Variants in PRSS50 observed in about 807,000 individuals in gnomAD.
PRSS50 encodes the protein serine protease 50.
A neutral mutation model predicts 34.2 loss-of-function variants in PRSS50; 23 were observed. The ratio of observed to expected loss-of-function variants is 0.67; its 90% CI spans 0.48 to 0.95. PRSS50 has a LOEUF of 0.95. Among genes scored for constraint, PRSS50 ranks in the 40% least tolerant of loss-of-function variants. PRSS50 has a pLI of 0.00. For synonymous variants in PRSS50, 224 were observed against 211.2 expected (o/e 1.06, Z -0.53); for missense variants, 484 against 513.4 (o/e 0.94, Z 0.55).
At chr3:46,713,776 G>C (rs1025766593) in intron 4 of PRSS50, among the ~76,000 whole-genome samples, 1 of 152,232 alleles carries the variant, frequency 6.6e-6, no homozygotes, top group African/African-American at 2.4e-5. Flanking sequence ...CCACTGAGGG[G>C]AGGGGAAACC....
intron 4 of PRSS50, among the ~76,000 whole-genome samples, 169 bp from the exon 5 acceptor site, chr3:46,713,236 C>T (rs903835319): frequency 2.0e-5 from 3 of 152,208 alleles, no homozygotes; most frequent in Non-Finnish European, 4.4e-5. Context: ...ACAGAGCCCC[C>T]GGAGCAGAGT....
chr3:46,712,754 T>C, intron 5 of PRSS50, 147 bp downstream of exon 5: 1 of 796,792 alleles, frequency 1.3e-6, no homozygotes, highest in Non-Finnish European at 1.8e-6. Context: ...CCTCCCAGTC[T>C]CCCCCGACAT....
chr3:46,712,605 T>A, intron 5 of PRSS50, 123 bp from the exon 6 acceptor site: 1 of 931,106 alleles, frequency 1.1e-6, no homozygotes, highest in Non-Finnish European at 1.7e-6. Context: ...CCAACATAGG[T>A]GAGAAGTGCT....
Position 46,717,852 on chromosome 3 carries a change from C to A in PRSS50, c.-28G>T. ...CGGGGTGGCAGCCGACTGCGTCTCT[C>A]CGGAAGGCGCTCCCAGTGCCGCCCC... is the stretch of plus-strand genomic sequence containing the variant. On this transcript the variant is annotated 5_prime_UTR_variant, in exon 1 of 6. Transcript: ENST00000315170. The surrounding 1 kb of genome is among the most constrained non-coding windows in gnomAD (Gnocchi z 4.5). The A allele has an allele frequency of 6.9e-7, 1 of 1,459,746 alleles. No homozygotes were observed. The allele number at this position is 1,459,746 out of a possible 1,614,324, so 90.4% of individuals were successfully genotyped here. A position where few individuals can be genotyped will look rare whatever the true frequency, so the allele number is the denominator to read the frequency against.
intron 5 of PRSS50, 90 bp downstream of exon 5, chr3:46,712,811 C>A: frequency 4.1e-6 from 6 of 1,461,988 alleles, no homozygotes; most frequent in Non-Finnish European, 5.6e-6. Context: ...TTCCCTTCCC[C>A]TACCCAACCT....
In PRSS50 at chr3:46,717,440, G is replaced by T. The variant is rs1310960071; in HGVS notation, c.304C>A (p.Arg102Ser). The T allele has an allele frequency of 1.2e-6, 2 of 1,613,954 alleles. No individual in the cohort carries two copies. The highest frequency in any genetic ancestry group is 1.7e-5 in the Admixed American group (1 of 60,000). Residue 102 changes from arginine to serine, a missense_variant, in exon 2 of 6, where the codon CGC becomes AGC. By Grantham distance (110) the Arg-to-Ser change is moderately radical. Transcript: ENST00000315170. The surrounding 1 kb of genome is among the most constrained non-coding windows in gnomAD (Gnocchi z 4.5). The part of the protein sequence containing the change: ...PVSEGKVDPY[R>S]SCGFSYEQDP... ...AGTCTACACCCCTGGTACTCACAGC[G>T]GTATGGGTCGACTTTGCCTTCAGAA... is the stretch of plus-strand genomic sequence containing the variant.
chr3:46,712,296 T>G lies in PRSS50; in HGVS notation c.1108A>C (p.Thr370Pro). ...GGCAGTGGGAGTGCCAGGAGCAGGG[T>G]CCTGGATGGGGCTGGCAGGGCCAGG... Reference protein sequence around the residue: ...QALALPAPSRTLLLALPLPLS... With the variant: ...QALALPAPSRPLLLALPLPLS... Residue 370 changes from threonine to proline, a missense_variant, in exon 6 of 6, where the codon ACC (threonine) becomes CCC (proline). By Grantham distance (38) the Thr-to-Pro change is conservative (BLOSUM62 -1). Transcript: ENST00000315170. The G allele has an allele frequency of 6.2e-7, 1 of 1,613,032 alleles. No individual in the cohort carries two copies. Among genetic ancestry groups the G allele is most frequent in the Non-Finnish European group, 8.5e-7 (1 of 1,179,674 alleles).
Position 46,713,015 on chromosome 3 carries a change from G to T in PRSS50, c.807C>A (p.Asn269Lys). ...TIQEKEVIIL[N>K]NKECDNFYHN... ...GGTAGAAATTGTCACACTCTTTGTT[G>T]TTCAGGATGATGACTTCCTTCTCCT... The change falls in exon 5 of 6, where the codon AAC becomes AAA. Residue 269 changes from asparagine to lysine, a missense_variant. By Grantham distance (94) the Asn-to-Lys change is moderately conservative. Coordinates refer to ENST00000315170, the MANE Select transcript of PRSS50 (RefSeq NM_013270.5). 6.2e-7 allele frequency: 1 copy of T among 1,614,170 alleles called. No individual in the cohort carries two copies. Among genetic ancestry groups the T allele is most frequent in the Middle Eastern group, 1.6e-4 (1 of 6,062 alleles).
chr3:46,714,195 G>C (rs1389173872), intron 4 of PRSS50, 23 bp downstream of exon 4: 3 of 1,608,408 alleles, frequency 1.9e-6, no homozygotes, highest in Non-Finnish European at 2.6e-6. Context: ...CACCCGCCCT[G>C]GTCTGCAGAG....
rs1442754967 is a variant in PRSS50, at chr3:46,712,153, T to C, written c.*93A>G. The C allele has an allele frequency of 8.8e-7, 1 of 1,130,426 alleles. No individual in the cohort carries two copies. Among genetic ancestry groups the C allele is most frequent in the African/African-American group, 1.6e-5 (1 of 64,322 alleles). The allele number at this position is 1,130,426 out of a possible 1,614,324, so 70.0% of individuals were successfully genotyped here. A position where few individuals can be genotyped will look rare whatever the true frequency, so the allele number is the denominator to read the frequency against. On this transcript the variant is annotated 3_prime_UTR_variant, in exon 6 of 6. Coordinates refer to ENST00000315170, the MANE Select transcript of PRSS50 (RefSeq NM_013270.5). Reference sequence around the variant, plus strand: ...GTAATGTTTAATTGAGCACCTCATCTCCACCCTGACTCTCAGGGCTGTGAC... The same window carrying C: ...GTAATGTTTAATTGAGCACCTCATCCCCACCCTGACTCTCAGGGCTGTGAC...
chr3:46,717,340 C>T lies in PRSS50; in HGVS notation c.307+97G>A, dbSNP rs1575473100. The T allele has an allele frequency of 1.5e-6, 2 of 1,377,110 alleles. No individual in the cohort carries two copies. Among genetic ancestry groups the T allele is most frequent in the Non-Finnish European group, 2.0e-6 (2 of 991,172 alleles). 85.3% of individuals were successfully genotyped at this position (1,377,110 alleles called of 1,614,324 possible). On this transcript the variant is annotated intron_variant, in intron 2 of 5. Coordinates refer to ENST00000315170, the MANE Select transcript of PRSS50 (RefSeq NM_013270.5). The surrounding 1 kb of genome is among the most constrained non-coding windows in gnomAD (Gnocchi z 4.5). ...GAAGGAGGCGCTCCTCTATCCTGCT[C>T]GCCCCCGTCCCTTCTGCTCCCCTAG...
rs772366524 is a variant in PRSS50, at chr3:46,717,439, C to A, written c.305G>T (p.Arg102Leu). The A allele has an allele frequency of 1.2e-6, 2 of 1,613,854 alleles. No individual in the cohort carries two copies. The highest frequency in any genetic ancestry group is 3.3e-5 in the Admixed American group (2 of 60,018). Reference sequence around the variant, plus strand: ...GAGTCTACACCCCTGGTACTCACAGCGGTATGGGTCGACTTTGCCTTCAGA... The same window carrying A: ...GAGTCTACACCCCTGGTACTCACAGAGGTATGGGTCGACTTTGCCTTCAGA... ...PVSEGKVDPY[R>L]SCGFSYEQDP... Residue 102 changes from arginine (R) to leucine (L), a missense_variant and splice_region_variant, in exon 2 of 6, where the codon CGC becomes CTC. By Grantham distance (102) the Arg-to-Leu change is moderately radical (BLOSUM62 -2). Coordinates refer to ENST00000315170, the MANE Select transcript of PRSS50 (RefSeq NM_013270.5). This position sits in a 1 kb window ranked among gnomAD's most constrained non-coding sequence, Gnocchi z 4.5.
rs906880546 is a variant in PRSS50, at chr3:46,712,359, A to G, written c.1045T>C (p.Tyr349His). The G allele has an allele frequency of 1.2e-6, 2 of 1,613,852 alleles. No individual in the cohort carries two copies. The highest frequency in any genetic ancestry group is 1.7e-6 in the Non-Finnish European group (2 of 1,179,958). Residue 349 changes from tyrosine to histidine, a missense_variant, in exon 6 of 6, where the codon TAC (tyrosine) becomes CAC (histidine). Transcript: ENST00000315170. ...APPIYLQVSS[Y>H]QHWIWDCLNG... Reference sequence around the variant, plus strand: ...AGGCAGTCCCAGATCCAGTGTTGGTAGGAGGAGACCTGTAGGTAGATGGGT... The same window carrying G: ...AGGCAGTCCCAGATCCAGTGTTGGTGGGAGGAGACCTGTAGGTAGATGGGT...
At position 46,717,540 on chromosome 3, in the gene PRSS50, G is replaced by C. The variant is rs1700699945; in HGVS notation, c.204C>G (p.Ser68Arg). The change falls in exon 2 of 6, where the codon AGC becomes AGG. Residue 68 changes from serine to arginine, a missense_variant. Ser to Arg is a moderately radical substitution (Grantham distance 110, BLOSUM62 -1). Coordinates refer to ENST00000315170, the MANE Select transcript of PRSS50 (RefSeq NM_013270.5). This position sits in a 1 kb window ranked among gnomAD's most constrained non-coding sequence, Gnocchi z 4.5. ...QCVPKATCPS[S>R]RPRLLWQTPT... is the part of the protein sequence containing the mutation. The stretch of plus-strand genomic sequence containing the variant: ...GGGTCTGCCAGAGAAGGCGAGGCCG[G>C]CTGGAAGGACAGGTGGCCTTGGGGA... The C allele has an allele frequency of 6.2e-7, 1 of 1,613,742 alleles. No homozygotes were observed. The highest frequency in any genetic ancestry group is 8.5e-7 in the Non-Finnish European group (1 of 1,180,018).
intron 4 of PRSS50, among the ~76,000 whole-genome samples, chr3:46,713,916 T>C (rs1383557031): frequency 6.6e-6 from 1 of 152,208 alleles, no homozygotes; most frequent in Non-Finnish European, 1.5e-5. Context: ...GCAGTGGGTG[T>C]GGACTGTGAG....
At position 46,715,356 on chromosome 3, in the gene PRSS50, G is replaced by C. The variant is rs1428845700; in HGVS notation, c.470+179C>G. Among the ~76,000 whole-genome samples, 1 of 152,190 alleles carries C rather than the reference G, an allele frequency of 6.6e-6. No individual in the cohort carries two copies. Among genetic ancestry groups the C allele is most frequent in the African/African-American group, 2.4e-5 (1 of 41,430 alleles). ...AGGCCAGACGAGGGGAGCGAACGGT[G>C]GGACACTGAAAAGACTGGAGCTCTG... On this transcript the variant is annotated intron_variant, in intron 3 of 5. Coordinates refer to ENST00000315170, the MANE Select transcript of PRSS50 (RefSeq NM_013270.5). The surrounding 1 kb of genome is among the most constrained non-coding windows in gnomAD (Gnocchi z 5.2).
Position 46,712,306 on chromosome 3 carries a change from G to A in PRSS50, c.1098C>T (p.Ala366=). 2 of 1,613,488 alleles carry A rather than the reference G, an allele frequency of 1.2e-6. No homozygotes were observed. Among genetic ancestry groups the A allele is most frequent in the Non-Finnish European group, 1.7e-6 (2 of 1,179,794 alleles). ...GTGCCAGGAGCAGGGTCCTGGATGG[G>A]GCTGGCAGGGCCAGGGCCTGCCCGT... The part of the protein sequence containing the change: ...CLNGQALALP[A]PSRTLLLALP... Residue 366 remains alanine, a synonymous_variant, in exon 6 of 6, where the codon GCC becomes GCT. Coordinates refer to ENST00000315170, the MANE Select transcript of PRSS50 (RefSeq NM_013270.5).
chr3:46,712,291 C>T lies in PRSS50; in HGVS notation c.1113G>A (p.Leu371=). Residue 371 remains leucine (L), a synonymous_variant, in exon 6 of 6, where the codon CTG becomes CTA. Coordinates refer to ENST00000315170, the MANE Select transcript of PRSS50 (RefSeq NM_013270.5). The part of the protein sequence containing the change: ...ALALPAPSRT[L]LLALPLPLSL... ...TGAGGGGCAGTGGGAGTGCCAGGAG[C>T]AGGGTCCTGGATGGGGCTGGCAGGG... 2 of 1,612,752 alleles carry T rather than the reference C, an allele frequency of 1.2e-6. No individual in the cohort carries two copies. The highest frequency in any genetic ancestry group is 1.1e-5 in the South Asian group (1 of 90,754).
chr3:46,712,805 C>T (rs1299642622), intron 5 of PRSS50, 96 bp downstream of exon 5: 6 of 1,415,740 alleles, frequency 4.2e-6, no homozygotes, highest in Non-Finnish European at 5.8e-6. Context: ...ACCCCCTTCC[C>T]TTCCCCTACC....
Sources: gnomAD v4.1 joint callset for allele counts (sites outside exome capture counted in the v4.1 genomes callset) on GRCh38, gnomAD v4.1.1 for gene constraint, Gnocchi (gnomAD v3.1) non-coding constraint, MANE v1.5 for transcripts, NCBI Gene and HGNC (gene_info 2026-07-23, HGNC 2026-07-21) for gene names.